Variants in CNOT4 observed in about 807,000 individuals in gnomAD.
CNOT4 encodes CCR4-associated factor 4.
A neutral mutation model predicts 73.8 loss-of-function variants in CNOT4; 8 were observed. The observed-to-expected ratio is 0.11, with a 90% CI of 0.06 to 0.20. The LOEUF is 0.20. CNOT4 is among the 10% of genes least tolerant of loss of function. The pLI, the probability that CNOT4 is intolerant of heterozygous loss-of-function variation, is 1.00. For missense variants in CNOT4, 564 were observed against 883.4 expected, an observed-to-expected ratio of 0.64 and a Z score of 4.58; for synonymous variants, 293 against 321.1, an observed-to-expected ratio of 0.91 and a Z score of 0.94.
intron 1 of CNOT4, among the ~76,000 whole-genome samples, chr7:135,485,355 C>T (rs1360279497): frequency 6.6e-6 from 1 of 152,126 alleles, no homozygotes; most frequent in Non-Finnish European, 1.5e-5. Context: ...CAGGCTTGAG[C>T]CACCACAGCT....
intron 1 of CNOT4, among the ~76,000 whole-genome samples, chr7:135,441,963 A>C (rs763575001): frequency 6.6e-5 from 10 of 152,170 alleles, no homozygotes; most frequent in Non-Finnish European, 1.0e-4. Flanking sequence ...CAGCTGCCAA[A>C]AGTAATCTCA....
intron 10 of CNOT4, among the ~76,000 whole-genome samples, chr7:135,383,079 T>C (rs973723647): frequency 6.6e-6 from 1 of 152,214 alleles, no homozygotes; most frequent in Non-Finnish European, 1.5e-5. Context: ...AAAATATTTT[T>C]ATAACCTGTT....
chr7:135,480,979 C>G (rs535572948), intron 1 of CNOT4, among the ~76,000 whole-genome samples: 1 of 139,248 alleles, frequency 7.2e-6, no homozygotes, highest in Non-Finnish European at 1.6e-5. Flanking sequence ...AACGTAAGAC[C>G]AAAAATATAA....
intron 10 of CNOT4, chr7:135,387,144 T>A: frequency 1.0e-6 from 1 of 978,526 alleles, no homozygotes; most frequent in South Asian, 4.7e-5. Context: ...AGACTGATAA[T>A]AAGTCTACAA....
In CNOT4 at chr7:135,381,550, T is replaced by C. The variant is rs570943969; in HGVS notation, c.1627+12368A>G. Among the ~76,000 whole-genome samples the C allele has an allele frequency of 1.1e-4, 16 of 152,330 alleles. 1 individual carries two copies. The highest frequency in any genetic ancestry group is 7.8e-4 in the Admixed American group (12 of 15,300). On this transcript the variant is annotated intron_variant, in intron 10 of 11. Transcript: ENST00000541284. ...TCACAAGCTTAAGTTGCAGTAGTAC[T>C]GCTATGCAGAAATACGGAATATTTA... is the stretch of plus-strand genomic sequence containing the variant.
chr7:135,449,285 C>T (rs889540277), intron 1 of CNOT4, among the ~76,000 whole-genome samples: 3 of 152,108 alleles, frequency 2.0e-5, no homozygotes, highest in East Asian at 3.8e-4. Context: ...TTCTGAGGTA[C>T]GTGAAATATT....
chr7:135,441,235 G>T (rs1585647266), intron 1 of CNOT4, among the ~76,000 whole-genome samples: 1 of 149,930 alleles, frequency 6.7e-6, no homozygotes, highest in African/African-American at 2.5e-5. Context: ...TCTAAATGCT[G>T]CAAAAAAAAA....
At chr7:135,368,572 A>T (rs1331276708) in intron 10 of CNOT4, among the ~76,000 whole-genome samples, 2 of 152,216 alleles carry the variant, frequency 1.3e-5, no homozygotes, top group Non-Finnish European at 2.9e-5. Context: ...AAGTTCAGTA[A>T]AAAGACAGGC....
At chr7:135,381,739 C>G (rs1211644651) in intron 10 of CNOT4, among the ~76,000 whole-genome samples, 1 of 152,134 alleles carries the variant, frequency 6.6e-6, no homozygotes, top group Non-Finnish European at 1.5e-5. Context: ...TACTGGGTCA[C>G]TGCATCATAC....
At chr7:135,464,646 C>CA (rs1801109939) in intron 1 of CNOT4, among the ~76,000 whole-genome samples, 1 of 151,966 alleles carries the variant, frequency 6.6e-6, no homozygotes, top group Admixed American at 6.6e-5. Flanking sequence ...CAAACCTTAT[C>CA]ATGTGCCCCC....
At chr7:135,487,016 A>C (rs1815139639) in intron 1 of CNOT4, among the ~76,000 whole-genome samples, 2 of 152,096 alleles carry the variant, frequency 1.3e-5, no homozygotes, top group Non-Finnish European at 2.9e-5. Flanking sequence ...AAGCATCCAA[A>C]AATGTGAACT....
chr7:135,438,315 T>A lies in CNOT4; in HGVS notation c.17A>T (p.Asp6Val), dbSNP rs1375865184. 1.2e-6 allele frequency: 2 copies of A among 1,609,346 alleles called. No individual in the cohort carries two copies. The highest frequency in any genetic ancestry group is 3.4e-5 in the Admixed American group (2 of 58,902). ...GCACTCCACAGGGTCTTCCTTCGCA[T>A]CAGGACTGCGAGACATCTTCACGTT... MSRSP[D>V]AKEDPVECPL... is the part of the protein sequence containing the mutation. The change falls in exon 2 of 12, where the codon GAT becomes GTT. Residue 6 changes from aspartate to valine, a missense_variant. This residue lies in a region of CNOT4 where 76 missense variants were observed against 208.7 expected (regional missense o/e 0.36). Transcript: ENST00000541284.
intron 1 of CNOT4, among the ~76,000 whole-genome samples, chr7:135,489,912 C>G (rs557792724): frequency 6.6e-6 from 1 of 152,308 alleles, no homozygotes; most frequent in African/African-American, 2.4e-5. Context: ...ATGAGCCTCT[C>G]TGAAAGAGAA....
intron 10 of CNOT4, among the ~76,000 whole-genome samples, chr7:135,365,423 A>AT (rs11404868): frequency 1 from 151,766 of 152,264 alleles, 75,635 homozygotes; most frequent in East Asian, 1. Flanking sequence ...TTACATTTGT[A>AT]TGTGTTGTAT....
At chr7:135,414,484 C>T in intron 4 of CNOT4, 52 bp from the exon 5 acceptor site, 1 of 820,324 alleles carries the variant, frequency 1.2e-6, no homozygotes, top group East Asian at 2.5e-5. Flanking sequence ...TTAAACAATA[C>T]TAAAAAAATT....
At chr7:135,434,454 A>G (rs936431785) in intron 2 of CNOT4, among the ~76,000 whole-genome samples, 1 of 152,218 alleles carries the variant, frequency 6.6e-6, no homozygotes, top group African/African-American at 2.4e-5. Context: ...CCAAAAAATT[A>G]TTCCTGGCCT....
chr7:135,378,724 G>A (rs563078102), intron 10 of CNOT4, among the ~76,000 whole-genome samples: 19 of 152,114 alleles, frequency 1.2e-4, no homozygotes, highest in Middle Eastern at 3.4e-3. Flanking sequence ...GGTGGCTCAC[G>A]CCTGTAATCC....
intron 1 of CNOT4, among the ~76,000 whole-genome samples, chr7:135,463,259 C>T (rs976288698): frequency 1.3e-4 from 20 of 152,072 alleles, no homozygotes; most frequent in African/African-American, 1.9e-4. Context: ...CCTGGAAGAC[C>T]GGGCACGGTG....
At chr7:135,465,192 GTTTATA>G (rs1226341624) in intron 1 of CNOT4, among the ~76,000 whole-genome samples, 1 of 152,016 alleles carries the variant, frequency 6.6e-6, no homozygotes, top group African/African-American at 2.4e-5. Context: ...TCATTTACAT[GTTTATA>G]TTTATATAAA....
Sources: allele counts gnomAD v4.1 joint callset (sites outside exome capture counted in the v4.1 genomes callset), GRCh38; gene constraint gnomAD v4.1.1; regional missense constraint gnomAD v4.1.1; transcripts MANE v1.5; gene names NCBI Gene and HGNC (gene_info 2026-07-23, HGNC 2026-07-21).